The following TVP23A variants were observed in gnomAD, a reference collection of about 807,000 sequenced individuals.
TVP23A encodes Golgi apparatus membrane protein TVP23 homolog A.
TVP23A carries 21 observed loss-of-function variants against 31.7 expected under a neutral mutation model. That is an observed-to-expected ratio of 0.66 (90% confidence interval 0.47 to 0.95). TVP23A has a LOEUF of 0.95. Ranked by LOEUF, TVP23A falls within the 40% of genes least tolerant of loss-of-function variation. The probability of loss-of-function intolerance (pLI) is 0.00; values close to 1 mark genes in which losing one functional copy is unlikely to be tolerated. For synonymous variants in TVP23A, 104 were observed against 96.0 expected (o/e 1.08, Z -0.49); for missense variants, 279 against 255.6 (o/e 1.09, Z -0.62).
rs2034536122 is a variant in TVP23A at position 10,818,381 on chromosome 16, C to T, written c.9+104G>A. ...CCCGACCACCGGGTGCAGCCCAGCC[C>T]CAGGCCCCGGCGCATCCCTCCTCCT... is the stretch of plus-strand genomic sequence containing the variant. On this transcript the variant is annotated intron_variant, in intron 1 of 7. Coordinates refer to ENST00000299866, the MANE Select transcript of TVP23A (RefSeq NM_001079512.4). This position sits in a 1 kb window ranked among gnomAD's most constrained non-coding sequence, Gnocchi z 4.7. The T allele has an allele frequency of 6.6e-7, 1 of 1,513,878 alleles. No individual in the cohort carries two copies. Among genetic ancestry groups the T allele is most frequent in the Non-Finnish European group, 8.9e-7 (1 of 1,120,612 alleles). The allele number at this position is 1,513,878 out of a possible 1,614,324, so 93.8% of individuals were successfully genotyped here. A position where few individuals can be genotyped will look rare whatever the true frequency, so the allele number is the denominator to read the frequency against.
downstream of TVP23A, among the ~76,000 whole-genome samples, chr16:10,765,561 G>A (rs975970557): frequency 6.6e-6 from 1 of 152,100 alleles, no homozygotes; most frequent in East Asian, 1.9e-4. The surrounding 1 kb of genome is among the most constrained non-coding windows in gnomAD (Gnocchi z 4.0). Flanking sequence ...ATGTCCACGG[G>A]CCCAGCCACA....
chr16:10,764,124 G>A (rs1024912726), downstream of TVP23A, among the ~76,000 whole-genome samples: 9 of 149,180 alleles, frequency 6.0e-5, no homozygotes, highest in African/African-American at 1.2e-4. Flanking sequence ...CTCAGCCCAC[G>A]GGAGCATCCC....
chr16:10,799,737 A>T (rs927182991), intron 2 of TVP23A, among the ~76,000 whole-genome samples: 1 of 152,204 alleles, frequency 6.6e-6, no homozygotes, highest in African/African-American at 2.4e-5. Context: ...GCAGATGGTG[A>T]AATGAGGGGT....
At chr16:10,761,432 G>A (rs1567261839) in exon 9 of TVP23A, 1 of 1,614,154 alleles carries the variant, frequency 6.2e-7, no homozygotes, top group Non-Finnish European at 8.5e-7. Flanking sequence ...CCATCATCGG[G>A]GTGGTGGAGA....
chr16:10,803,430 C>A (rs1476381494), intron 2 of TVP23A, among the ~76,000 whole-genome samples: 1 of 152,176 alleles, frequency 6.6e-6, no homozygotes, highest in African/African-American at 2.4e-5. Flanking sequence ...AGTGAACAGG[C>A]TGGACAAAGT....
intron 2 of TVP23A, among the ~76,000 whole-genome samples, chr16:10,776,816 T>G (rs1256840226): frequency 6.6e-6 from 1 of 152,130 alleles, no homozygotes; most frequent in African/African-American, 2.4e-5. Flanking sequence ...TGCCTCCCCT[T>G]TTTCGACCAT....
chr16:10,789,147 C>T (rs11074925), intron 2 of TVP23A, among the ~76,000 whole-genome samples: 15,029 of 152,132 alleles, frequency 0.099, 1,470 homozygotes, highest in East Asian at 0.46. Context: ...GTTTTTATAT[C>T]ACAGATGATG....
intron 2 of TVP23A, among the ~76,000 whole-genome samples, chr16:10,797,617 AC>A (rs2033459182): frequency 6.6e-6 from 1 of 151,988 alleles, no homozygotes; most frequent in Non-Finnish European, 1.5e-5. Context: ...TATAATCTCA[AC>A]TACTTGGGAG....
chr16:10,815,462 C>G (rs1181138701), intron 2 of TVP23A, among the ~76,000 whole-genome samples: 1 of 152,154 alleles, frequency 6.6e-6, no homozygotes, highest in Admixed American at 6.6e-5. Flanking sequence ...GTAATAGCCA[C>G]TGGTATGCCT....
chr16:10,817,147 G>C (rs1024899264), intron 2 of TVP23A, among the ~76,000 whole-genome samples: 2 of 152,178 alleles, frequency 1.3e-5, no homozygotes, highest in Non-Finnish European at 2.9e-5. Flanking sequence ...TTCAGCCCAG[G>C]AACACTGACT....
chr16:10,771,832 T>G, intron 5 of TVP23A, 34 bp from the exon 6 acceptor site: 1 of 1,549,508 alleles, frequency 6.5e-7, no homozygotes, highest in Non-Finnish European at 8.7e-7. Context: ...AGGTCACTTT[T>G]TTTTGAGACA....
intron 2 of TVP23A, among the ~76,000 whole-genome samples, chr16:10,780,066 C>T (rs918541675): frequency 2.0e-5 from 3 of 151,498 alleles, no homozygotes; most frequent in East Asian, 3.9e-4. Flanking sequence ...CCAGCCTGGG[C>T]GACAGAGTGA....
intron 2 of TVP23A, among the ~76,000 whole-genome samples, chr16:10,800,068 A>G (rs1247478111): frequency 2.8e-5 from 2 of 71,952 alleles, no homozygotes; most frequent in Non-Finnish European, 5.6e-5. Context: ...CCCCAGTTAT[A>G]TGCTTTTCAT....
chr16:10,805,116 CA>C (rs1238515168), intron 2 of TVP23A, among the ~76,000 whole-genome samples: 2 of 152,144 alleles, frequency 1.3e-5, no homozygotes, highest in Non-Finnish European at 2.9e-5. Flanking sequence ...TGGCTCACTG[CA>C]ACCTGCTGGG....
intron 2 of TVP23A, among the ~76,000 whole-genome samples, chr16:10,810,296 C>T (rs2034136040): frequency 6.6e-6 from 1 of 152,000 alleles, no homozygotes; most frequent in South Asian, 2.1e-4. Context: ...TGGCTGTAAT[C>T]CCAGCACTTT....
At chr16:10,763,060 G>A (rs992345905), downstream of TVP23A, among the ~76,000 whole-genome samples, 7 of 152,128 alleles carry the variant, frequency 4.6e-5, no homozygotes, top group Admixed American at 1.3e-4. Context: ...GACGGCATCT[G>A]AGGGTCAAGG....
intron 2 of TVP23A, among the ~76,000 whole-genome samples, chr16:10,791,707 A>G (rs1258083949): frequency 6.6e-6 from 1 of 152,176 alleles, no homozygotes; most frequent in Non-Finnish European, 1.5e-5. Context: ...TCCTGGGTTC[A>G]AGCGATTCTC....
intron 2 of TVP23A, among the ~76,000 whole-genome samples, chr16:10,802,706 A>C (rs937932758): frequency 1.3e-5 from 2 of 152,192 alleles, no homozygotes; most frequent in Non-Finnish European, 2.9e-5. Context: ...CTAACTCAAA[A>C]TATCATTTTC....
At chr16:10,787,709 A>G (rs957703195) in intron 2 of TVP23A, among the ~76,000 whole-genome samples, 6 of 151,710 alleles carry the variant, frequency 4.0e-5, no homozygotes, top group Middle Eastern at 3.2e-3. Flanking sequence ...CCTCTCTCTC[A>G]CAGGAGAGAG....
Sources: gnomAD v4.1 joint callset for allele counts (sites outside exome capture counted in the v4.1 genomes callset) on GRCh38, gnomAD v4.1.1 for gene constraint, Gnocchi (gnomAD v3.1) non-coding constraint, MANE v1.5 for transcripts, NCBI Gene and HGNC (gene_info 2026-07-23, HGNC 2026-07-21) for gene names.